The following SCPEP1 variants were observed in gnomAD, a reference collection of about 807,000 sequenced individuals.
SCPEP1 encodes retinoid-inducible serine carboxypeptidase.
SCPEP1 carries 51 observed loss-of-function variants against 63.8 expected under a neutral mutation model. The observed-to-expected ratio is 0.80, with a 90% CI of 0.64 to 1.01. The LOEUF is 1.01. Among genes scored for constraint, SCPEP1 ranks in the 50% least tolerant of loss-of-function variants. The probability of loss-of-function intolerance (pLI) is 0.00; values close to 1 mark genes in which losing one functional copy is unlikely to be tolerated. For synonymous variants in SCPEP1, 204 were observed against 207.8 expected, an observed-to-expected ratio of 0.98 and a Z score of 0.16; for missense variants, 499 against 554.9, an observed-to-expected ratio of 0.90 and a Z score of 1.01.
chr17:56,999,000 G>A (rs1911658443), intron 10 of SCPEP1, among the ~76,000 whole-genome samples: 1 of 152,030 alleles, frequency 6.6e-6, no homozygotes. Context: ...AAAATAAGGA[G>A]TTGGTAGGGA....
Position 56,991,172 on chromosome 17 carries a change from G to A in SCPEP1, c.619+1G>A. The A allele has an allele frequency of 6.2e-7, 1 of 1,612,970 alleles. No individual in the cohort carries two copies. Among genetic ancestry groups the A allele is most frequent in the Non-Finnish European group, 8.5e-7 (1 of 1,178,976 alleles). ...GGTGATTCCTGGATCTCCCCTGTTG[G>A]TAAGTGTGGCATTTTCAGGCATTTT... On this transcript the variant is annotated splice_donor_variant, in intron 6 of 12. Coordinates refer to ENST00000262288, the MANE Select transcript of SCPEP1 (RefSeq NM_021626.3). LOFTEE classifies it high-confidence loss of function.
intron 5 of SCPEP1, among the ~76,000 whole-genome samples, chr17:56,990,538 A>G (rs1028980517): frequency 3.3e-5 from 5 of 152,238 alleles, no homozygotes; most frequent in Non-Finnish European, 4.4e-5. Flanking sequence ...GTTTAGCTGA[A>G]TGAGATCATA....
chr17:57,003,558 T>G (rs1412780569), intron 12 of SCPEP1, among the ~76,000 whole-genome samples: 3 of 152,152 alleles, frequency 2.0e-5, no homozygotes, highest in Admixed American at 2.0e-4. Flanking sequence ...GGAGGGAATT[T>G]GCACAAGCTG....
intron 6 of SCPEP1, among the ~76,000 whole-genome samples, chr17:56,992,830 G>T (rs576709868): frequency 6.6e-6 from 1 of 152,266 alleles, no homozygotes; most frequent in East Asian, 1.9e-4. Context: ...TTGCTACATT[G>T]TCTCTCCAAG....
intron 12 of SCPEP1, among the ~76,000 whole-genome samples, chr17:57,004,062 G>GATGGTGGGCACCTGTAATCCC (rs1911816239): frequency 6.6e-6 from 1 of 152,194 alleles, no homozygotes; most frequent in Non-Finnish European, 1.5e-5. Flanking sequence ...AGCTGGGCAT[G>GATGGTGGGCACCTGTAATCCC]ATGGTGGGCA....
At chr17:56,985,566 T>C in intron 3 of SCPEP1, 99 bp downstream of exon 3, 1 of 845,972 alleles carries the variant, frequency 1.2e-6, no homozygotes, top group South Asian at 1.5e-5. Flanking sequence ...TCCCTCGCTG[T>C]CCTTTTCCTT....
intron 1 of SCPEP1, 52 bp downstream of exon 1, chr17:56,978,287 C>A (rs751114916): frequency 8.7e-6 from 13 of 1,490,368 alleles, no homozygotes; most frequent in Admixed American, 4.2e-5. Context: ...TTTCTCCAGG[C>A]GTGAGAGTTT....
intron 4 of SCPEP1, 63 bp from the exon 5 acceptor site, chr17:56,988,153 T>A: frequency 1.5e-6 from 2 of 1,326,110 alleles, no homozygotes; most frequent in Non-Finnish European, 2.1e-6. Flanking sequence ...AATTTGAAAT[T>A]AATTTGTGTG....
intron 9 of SCPEP1, among the ~76,000 whole-genome samples, chr17:56,997,762 C>T (rs2144502021): frequency 6.6e-6 from 1 of 151,962 alleles, no homozygotes; most frequent in South Asian, 2.1e-4. Context: ...CTATTTTTTC[C>T]CTTTTTTTTT....
chr17:57,006,316 A>T lies in SCPEP1; in HGVS notation c.*81A>T. The stretch of plus-strand genomic sequence containing the variant: ...GGCCGCTGAAGCTGTAGGAAGCGCC[A>T]TTCTTCCCTGTATCTAACTGGGGCT... On this transcript the variant is annotated 3_prime_UTR_variant, in exon 13 of 13. Transcript: ENST00000262288. The T allele has an allele frequency of 9.4e-7, 1 of 1,067,854 alleles. No homozygotes were observed. Among genetic ancestry groups the T allele is most frequent in the Non-Finnish European group, 1.3e-6 (1 of 742,200 alleles). 66.1% of individuals were successfully genotyped at this position (1,067,854 alleles called of 1,614,324 possible).
chr17:56,981,020 G>C, intron 1 of SCPEP1, 62 bp from the exon 2 acceptor site: 1 of 1,584,932 alleles, frequency 6.3e-7, no homozygotes, highest in Non-Finnish European at 8.6e-7. Context: ...TCTCTACCAG[G>C]CTTGGAATTT....
intron 3 of SCPEP1, among the ~76,000 whole-genome samples, 182 bp downstream of exon 3, chr17:56,985,649 C>T (rs1911193353): frequency 6.6e-6 from 1 of 152,170 alleles, no homozygotes; most frequent in Non-Finnish European, 1.5e-5. Flanking sequence ...TCCCATTTCT[C>T]AGGACAGCTT....
intron 8 of SCPEP1, chr17:56,996,008 T>C (rs528982998): frequency 6.5e-6 from 1 of 154,824 alleles, no homozygotes; most frequent in East Asian, 1.9e-4. Context: ...GGCTAAGGAC[T>C]TGGGAGTGTA....
Position 56,991,171 on chromosome 17 carries a change from G to C in SCPEP1, c.619G>C (p.Asp207His). 6.2e-7 allele frequency: 1 copy of C among 1,612,932 alleles called. No homozygotes were observed. Among genetic ancestry groups the C allele is most frequent in the Non-Finnish European group, 8.5e-7 (1 of 1,178,950 alleles). ...ALGDSWISPVDSVLSWGPYLY... is the reference protein window; with the variant it reads ...ALGDSWISPVHSVLSWGPYLY... ...GGGTGATTCCTGGATCTCCCCTGTT[G>C]GTAAGTGTGGCATTTTCAGGCATTT... is the stretch of plus-strand genomic sequence containing the variant. Residue 207 changes from aspartate to histidine, a missense_variant and splice_region_variant, in exon 6 of 13, where the codon GAT becomes CAT. Physicochemically the swap from Asp to His is moderately conservative, Grantham distance 81 (BLOSUM62 -1). Transcript: ENST00000262288.
chr17:56,991,222 T>G (rs1461730633), intron 6 of SCPEP1, 51 bp downstream of exon 6: 3 of 1,358,684 alleles, frequency 2.2e-6, no homozygotes, highest in Non-Finnish European at 3.2e-6. Flanking sequence ...GCCCATCCTT[T>G]CCTGGGACTT....
chr17:56,992,031 C>G (rs777112589), intron 6 of SCPEP1, among the ~76,000 whole-genome samples: 1 of 152,064 alleles, frequency 6.6e-6, no homozygotes, highest in Non-Finnish European at 1.5e-5. Context: ...TGCCTAGGGG[C>G]AAAGGAGGGA....
At chr17:56,982,596 C>T (rs1268073173) in intron 2 of SCPEP1, among the ~76,000 whole-genome samples, 2 of 152,208 alleles carry the variant, frequency 1.3e-5, no homozygotes, top group Non-Finnish European at 2.9e-5. Flanking sequence ...CGTGGACAAG[C>T]TCAGGCCTGC....
chr17:56,992,370 C>G (rs547319089), intron 6 of SCPEP1, among the ~76,000 whole-genome samples: 1 of 152,122 alleles, frequency 6.6e-6, no homozygotes, highest in African/African-American at 2.4e-5. Flanking sequence ...TCTTTCCTTC[C>G]TGGATGGATC....
chr17:56,981,461 G>T (rs1225585295), intron 2 of SCPEP1, among the ~76,000 whole-genome samples: 4 of 152,098 alleles, frequency 2.6e-5, no homozygotes, highest in Admixed American at 2.6e-4. Flanking sequence ...TATATTTCCA[G>T]ACGGTCACAA....
Sources: gnomAD v4.1 joint callset for allele counts (sites outside exome capture counted in the v4.1 genomes callset) on GRCh38, gnomAD v4.1.1 for gene constraint, MANE v1.5 for transcripts, NCBI Gene and HGNC (gene_info 2026-07-23, HGNC 2026-07-21) for gene names.